The following TIAM1 variants were observed in gnomAD, a reference collection of about 807,000 sequenced individuals.
TIAM1 encodes TIAM Rac1 associated GEF 1.
In TIAM1, 65 loss-of-function variants were observed where a neutral mutation model predicts 163.5. The observed-to-expected ratio is 0.40, with a 90% confidence interval of 0.33 to 0.49. The LOEUF (loss-of-function observed/expected upper bound fraction) is 0.49, where lower values mean the gene tolerates loss of function less well. TIAM1 is among the 20% of genes least tolerant of loss of function. The pLI, the probability that TIAM1 is intolerant of heterozygous loss-of-function variation, is 0.77. For synonymous variants in TIAM1, 833 were observed against 810.1 expected (o/e 1.03, Z -0.48); for missense variants, 1,789 against 2,044.7 (o/e 0.87, Z 2.41).
In TIAM1 at chr21:31,556,312, G is replaced by A. The variant is rs549659693; in HGVS notation, c.-422+2615C>T. On this transcript the variant is annotated intron_variant, in intron 1 of 28. Transcript: ENST00000286827. ...ATCAACAGCCGAATAGGGGTTCACG[G>A]GAGTCAGATTCCACTCGGGGTAACT... 1.7e-3 allele frequency among the ~76,000 whole-genome samples: 264 copies of A among 152,320 alleles called. 2 individuals are homozygous for A. Among genetic ancestry groups the A allele is most frequent in the African/African-American group, 6.0e-3 (250 of 41,580 alleles).
chr21:31,302,454 G>A (rs935507313), intron 2 of TIAM1, among the ~76,000 whole-genome samples: 6 of 152,198 alleles, frequency 3.9e-5, no homozygotes, highest in South Asian at 2.1e-4. Flanking sequence ...TTGACATACC[G>A]CAACCCCTCA....
At chr21:31,235,570 A>G (rs1464058970) in intron 6 of TIAM1, among the ~76,000 whole-genome samples, 2 of 152,206 alleles carry the variant, frequency 1.3e-5, no homozygotes, top group Non-Finnish European at 2.9e-5. Flanking sequence ...AAACAAAAAC[A>G]TCAGCTAAAG....
At chr21:31,541,550 A>C (rs1352387408) in intron 1 of TIAM1, among the ~76,000 whole-genome samples, 2 of 152,206 alleles carry the variant, frequency 1.3e-5, no homozygotes, top group Non-Finnish European at 1.5e-5. Flanking sequence ...ATTACAGGAG[A>C]ATAGTTAAGT....
At chr21:31,544,163 A>G (rs1350337886) in intron 1 of TIAM1, among the ~76,000 whole-genome samples, 4 of 151,468 alleles carry the variant, frequency 2.6e-5, no homozygotes, top group Non-Finnish European at 2.9e-5. Context: ...TGCCAAGATC[A>G]TATCACTGCA....
At position 31,395,509 on chromosome 21, in the gene TIAM1, G is replaced by C. The variant is rs775828572; in HGVS notation, c.-368-56087C>G. Among the ~76,000 whole-genome samples the C allele has an allele frequency of 3.9e-5, 6 of 152,158 alleles. No homozygotes were observed. Among genetic ancestry groups the C allele is most frequent in the Non-Finnish European group, 5.9e-5 (4 of 68,036 alleles). ...GTCATCTAAACACAGCCAATCACCA[G>C]ATACGCCACAGAGGCGAAGAGAAGG... is the stretch of plus-strand genomic sequence containing the variant. On this transcript the variant is annotated intron_variant, in intron 2 of 28. Transcript: ENST00000286827. The surrounding 1 kb of genome is among the most constrained non-coding windows in gnomAD (Gnocchi z 7.5).
In TIAM1 at chr21:31,141,638, G is replaced by T; in HGVS notation, c.3476-134C>A. On this transcript the variant is annotated intron_variant, in intron 20 of 27. Coordinates refer to ENST00000541036, the MANE Select transcript of TIAM1 (RefSeq NM_001353694.2). This position sits in a 1 kb window ranked among gnomAD's most constrained non-coding sequence, Gnocchi z 4.7. Reference sequence around the variant, plus strand: ...GCAGAGAGTGGGTGGCAGGAAGAGGGACAGGTAGGGGAGGGGGCAGTCAGG... The same window carrying T: ...GCAGAGAGTGGGTGGCAGGAAGAGGTACAGGTAGGGGAGGGGGCAGTCAGG... 1.0e-6 allele frequency: 1 copy of T among 957,098 alleles called. No homozygotes were observed. The highest frequency in any genetic ancestry group is 1.6e-6 in the Non-Finnish European group (1 of 640,412). The allele number at this position is 957,098 out of a possible 1,614,324, so 59.3% of individuals were successfully genotyped here. A position where few individuals can be genotyped will look rare whatever the true frequency, so the allele number is the denominator to read the frequency against.
At chr21:31,322,494 A>G (rs536529364) in intron 2 of TIAM1, among the ~76,000 whole-genome samples, 10 of 152,178 alleles carry the variant, frequency 6.6e-5, no homozygotes, top group African/African-American at 2.2e-4. Flanking sequence ...AAGGAACTGA[A>G]GCCTGGAGAA....
intron 1 of TIAM1, among the ~76,000 whole-genome samples, chr21:31,506,648 T>G (rs545898327): frequency 6.6e-6 from 1 of 152,340 alleles, no homozygotes; most frequent in East Asian, 1.9e-4. Flanking sequence ...CCAGGCACAG[T>G]GGCTCATGCC....
chr21:31,376,032 A>G (rs1252349152), intron 2 of TIAM1, among the ~76,000 whole-genome samples: 2 of 128,318 alleles, frequency 1.6e-5, no homozygotes, highest in Non-Finnish European at 3.4e-5. Flanking sequence ...ACCTCAAAAA[A>G]AATTTAAAAA....
chr21:31,228,031 T>C (rs2088092802), intron 6 of TIAM1, among the ~76,000 whole-genome samples: 1 of 150,550 alleles, frequency 6.6e-6, no homozygotes, highest in Non-Finnish European at 1.5e-5. Flanking sequence ...GCCTCCCGAG[T>C]AGCTGGGACT....
chr21:31,344,708 C>A (rs943426673), upstream of TIAM1, among the ~76,000 whole-genome samples: 1 of 152,172 alleles, frequency 6.6e-6, no homozygotes, highest in African/African-American at 2.4e-5. Context: ...ACCAAACTTT[C>A]AGTTGGCTGC....
Position 31,473,429 on chromosome 21 carries a change from C to CA in TIAM1, c.-421-9395dup, listed in dbSNP as rs56691495. ...TGGGGGACAGATCAAGACTCCATCT[C>CA]AAAAAAAAAAAAAAAAAAAAAAAAA... On this transcript the variant is annotated intron_variant, in intron 1 of 28. Coordinates refer to the TIAM1 transcript ENST00000286827. 5.2e-3 allele frequency among the ~76,000 whole-genome samples: 397 copies of CA among 75,698 alleles called. 70 individuals are homozygous for CA. Among genetic ancestry groups the CA allele is most frequent in the Non-Finnish European group, 8.3e-3 (309 of 37,238 alleles). The allele number at this position is 75,698 out of a possible 152,430, so 49.7% of individuals were successfully genotyped here. A position where few individuals can be genotyped will look rare whatever the true frequency, so the allele number is the denominator to read the frequency against.
At chr21:31,154,453 G>T in intron 16 of TIAM1, 27 bp from the exon 17 acceptor site, 1 of 1,603,944 alleles carries the variant, frequency 6.2e-7, no homozygotes, top group African/African-American at 1.3e-5. Context: ...GGAAGGGAAG[G>T]CAGAGGTCAT....
At chr21:31,312,286 C>T (rs1210061307) in intron 2 of TIAM1, among the ~76,000 whole-genome samples, 2 of 152,170 alleles carry the variant, frequency 1.3e-5, no homozygotes, top group African/African-American at 4.8e-5. Flanking sequence ...GAGTTAACCA[C>T]ATTAAACATC....
chr21:31,210,093 G>A lies in TIAM1; in HGVS notation c.2340C>T (p.Val780=), dbSNP rs918945254. The change falls in exon 11 of 28, where the codon GTC becomes GTT. Residue 780 remains valine (V), a synonymous_variant. Transcript: ENST00000541036. The part of the protein sequence containing the change: ...CLPNNQPALT[V]VRPGDTARDT... ...CCCGTGCAGTGTCGCCTGGCCGGAC[G>A]ACCGTCAGGGCAGGCTGATTATTGG... is the stretch of plus-strand genomic sequence containing the variant. 4.3e-6 allele frequency: 7 copies of A among 1,614,140 alleles called. No individual in the cohort carries two copies. The highest frequency in any genetic ancestry group is 1.3e-5 in the African/African-American group (1 of 75,044).
intron 3 of TIAM1, among the ~76,000 whole-genome samples, chr21:31,274,727 T>A (rs551940238): frequency 4.3e-4 from 65 of 152,252 alleles, no homozygotes; most frequent in Non-Finnish European, 6.8e-4. Context: ...TAGTGCAAAA[T>A]TCTTCTCATC....
In TIAM1 at chr21:31,423,855, GGGGGGGGC is replaced by G. The variant is rs1026954501; in HGVS notation, c.-369+40120_-369+40127del. Among the ~76,000 whole-genome samples, 5 of 113,018 alleles carry G rather than the reference GGGGGGGGC, an allele frequency of 4.4e-5. 1 individual carries two copies. The highest frequency in any genetic ancestry group is 1.9e-4 in the African/African-American group (4 of 21,144). The allele number at this position is 113,018 out of a possible 152,430, so 74.1% of individuals were successfully genotyped here. ...GAAAGAAAGTAAATTAATGATTATC[GGGGGGGGC>G]GGGGGGGGGGTCAAGGGAGTTGGGG... On this transcript the variant is annotated intron_variant, in intron 2 of 28. Transcript: ENST00000286827.
chr21:31,321,772 T>C (rs569005826), intron 2 of TIAM1, among the ~76,000 whole-genome samples: 1 of 151,944 alleles, frequency 6.6e-6, no homozygotes, highest in Admixed American at 6.6e-5. Flanking sequence ...TCAAAAACCA[T>C]CTCAGGCCGG....
intron 4 of TIAM1, 38 bp downstream of exon 4, chr21:31,265,972 C>T: frequency 6.3e-7 from 1 of 1,598,756 alleles, no homozygotes; most frequent in Non-Finnish European, 8.5e-7. Flanking sequence ...AGTCATGCAC[C>T]ATTCCCAAAA....
Sources: allele counts gnomAD v4.1 joint callset (sites outside exome capture counted in the v4.1 genomes callset), GRCh38; gene constraint gnomAD v4.1.1; non-coding constraint Gnocchi (gnomAD v3.1); transcripts MANE v1.5; gene names NCBI Gene and HGNC (gene_info 2026-07-23, HGNC 2026-07-21).